Variants in ABCA13 observed in about 807,000 individuals in gnomAD.
ABCA13 encodes the protein ATP-binding cassette sub-family A member 13.
ABCA13 carries 476 observed loss-of-function variants against 478.7 expected under a neutral mutation model. The ratio of observed to expected loss-of-function variants is 0.99; its 90% CI spans 0.92 to 1.07. ABCA13 has a LOEUF of 1.07. ABCA13 is among the 50% of genes least tolerant of loss of function. The pLI, the probability that ABCA13 is intolerant of heterozygous loss-of-function variation, is 0.00. For synonymous variants in ABCA13, 2,252 were observed against 2,158.9 expected, an observed-to-expected ratio of 1.04 and a Z score of -1.20; for missense variants, 6,060 against 5,910.6, an observed-to-expected ratio of 1.03 and a Z score of -0.83.
intron 15 of ABCA13, among the ~76,000 whole-genome samples, chr7:48,267,083 T>C (rs1312049380): frequency 6.6e-6 from 1 of 152,066 alleles, no homozygotes; most frequent in Non-Finnish European, 1.5e-5. Context: ...TGGGACTTGC[T>C]TTATGGTCTG....
At chr7:48,550,503 C>A (rs145850091) in intron 55 of ABCA13, among the ~76,000 whole-genome samples, 2 of 116,462 alleles carry the variant, frequency 1.7e-5, no homozygotes, top group East Asian at 2.8e-4. Flanking sequence ...AGTGATCCGC[C>A]CCCCCTCAGC....
At chr7:48,249,469 C>T in intron 15 of ABCA13, 118 bp downstream of exon 15, 1 of 1,325,510 alleles carries the variant, frequency 7.5e-7, no homozygotes, top group East Asian at 2.4e-5. Flanking sequence ...GGTGGCTCTC[C>T]AAGCACAATT....
At chr7:48,585,842 A>C (rs976158373) in intron 56 of ABCA13, among the ~76,000 whole-genome samples, 2 of 152,190 alleles carry the variant, frequency 1.3e-5, no homozygotes, top group Non-Finnish European at 2.9e-5. Context: ...GTTAAATAAA[A>C]TTGTTTGGAA....
chr7:48,546,106 GGT>G (rs1491511523), intron 55 of ABCA13, among the ~76,000 whole-genome samples: 1 of 151,758 alleles, frequency 6.6e-6, no homozygotes, highest in Non-Finnish European at 1.5e-5. Flanking sequence ...AAAGAAACAA[GGT>G]GGCAGGTCAC....
chr7:48,392,060 G>A lies in ABCA13; in HGVS notation c.11794G>A (p.Val3932Ile), dbSNP rs201412160. The A allele has an allele frequency of 1.8e-4, 297 of 1,613,958 alleles. No homozygotes were observed. The highest frequency in any genetic ancestry group is 2.3e-4 in the Non-Finnish European group (271 of 1,179,864). Residue 3932 changes from valine to isoleucine, a missense_variant, in exon 38 of 62, where the codon GTC (valine) becomes ATC (isoleucine). This residue lies in a region of ABCA13 where 1,627 missense variants were observed against 1,571.0 expected (regional missense o/e 1.04). Transcript: ENST00000435803. ...GGACATCCTGTTGGACAACCTCACC[G>A]TCCGGGAACATTTGCTGCTCTTTGC... is the stretch of plus-strand genomic sequence containing the variant. ...QQDILLDNLT[V>I]REHLLLFASI...
chr7:48,209,155 C>T (rs1785302002), intron 3 of ABCA13, among the ~76,000 whole-genome samples: 1 of 151,620 alleles, frequency 6.6e-6, no homozygotes, highest in Non-Finnish European at 1.5e-5. Flanking sequence ...TGGATGAATC[C>T]CACTTGGTCA....
chr7:48,429,975 A>G (rs1305988982), intron 42 of ABCA13, among the ~76,000 whole-genome samples: 2 of 152,154 alleles, frequency 1.3e-5, no homozygotes, highest in African/African-American at 4.8e-5. Context: ...GTATCTTTAT[A>G]GCAGGTATTG....
chr7:48,401,492 C>T (rs1817593766), intron 38 of ABCA13, among the ~76,000 whole-genome samples: 1 of 152,148 alleles, frequency 6.6e-6, no homozygotes, highest in Admixed American at 6.5e-5. Flanking sequence ...TAACATTTAT[C>T]TCATTGTGTC....
intron 42 of ABCA13, among the ~76,000 whole-genome samples, chr7:48,432,148 A>T (rs1248984784): frequency 6.6e-6 from 1 of 152,218 alleles, no homozygotes; most frequent in Non-Finnish European, 1.5e-5. Flanking sequence ...CAGTTAAAAA[A>T]TGATCAAATG....
chr7:48,283,147 A>G (rs934144350), intron 19 of ABCA13, among the ~76,000 whole-genome samples: 5 of 152,180 alleles, frequency 3.3e-5, no homozygotes, highest in Non-Finnish European at 5.9e-5. Flanking sequence ...AGGAAGGGGC[A>G]CAGTGGACGT....
At chr7:48,453,884 T>C (rs879514194) in intron 42 of ABCA13, among the ~76,000 whole-genome samples, 3 of 152,172 alleles carry the variant, frequency 2.0e-5, no homozygotes, top group Admixed American at 1.3e-4. Context: ...TCAGTAAATA[T>C]CCCAAATGAA....
chr7:48,403,584 A>G, intron 38 of ABCA13, 99 bp from the exon 39 acceptor site: 1 of 1,223,418 alleles, frequency 8.2e-7, no homozygotes, highest in Non-Finnish European at 1.2e-6. Flanking sequence ...TGTGGTTTAT[A>G]ACGATTTCAG....
chr7:48,474,947 AG>A (rs1827920117), intron 45 of ABCA13, among the ~76,000 whole-genome samples: 1 of 152,228 alleles, frequency 6.6e-6, no homozygotes, highest in African/African-American at 2.4e-5. Context: ...GTAAGAAAAA[AG>A]GTTTTATCTG....
chr7:48,639,482 A>G (rs1794942445), intron 59 of ABCA13, among the ~76,000 whole-genome samples: 1 of 152,214 alleles, frequency 6.6e-6, no homozygotes, highest in African/African-American at 2.4e-5. Context: ...TCAGTGCTGT[A>G]ACACTTGTGC....
intron 43 of ABCA13, among the ~76,000 whole-genome samples, chr7:48,456,695 A>C (rs1323412134): frequency 2.6e-5 from 4 of 152,184 alleles, no homozygotes; most frequent in African/African-American, 9.7e-5. Context: ...CACTTTACTC[A>C]TGAAAACTAC....
In ABCA13 at chr7:48,586,765, CTTTAAGT is replaced by C. The variant is rs1480981180; in HGVS notation, c.14506-385_14506-379del. On this transcript the variant is annotated intron_variant, in intron 56 of 61. Coordinates refer to ENST00000435803, the MANE Select transcript of ABCA13 (RefSeq NM_152701.5). The stretch of plus-strand genomic sequence containing the variant: ...ATTTTCTGCTTCGGTTGTCTTCTCC[CTTTAAGT>C]TTTGACACCGCTATTAGTTTCATTC... 5.9e-5 allele frequency among the ~76,000 whole-genome samples: 9 copies of C among 152,274 alleles called. No individual in the cohort carries two copies. In the East Asian group the frequency reaches 1.7e-3, roughly 29 times the overall value.
At chr7:48,505,542 C>G (rs1831127950) in intron 48 of ABCA13, among the ~76,000 whole-genome samples, 1 of 152,114 alleles carries the variant, frequency 6.6e-6, no homozygotes, top group Non-Finnish European at 1.5e-5. Flanking sequence ...TGAAATGGAG[C>G]AAGGATTTGT....
At chr7:48,615,425 A>G in intron 59 of ABCA13, 48 bp downstream of exon 59, 4 of 1,490,700 alleles carry the variant, frequency 2.7e-6, no homozygotes, top group Non-Finnish European at 3.7e-6. Context: ...TGAAATCAAT[A>G]GCATGATGCA....
At chr7:48,557,332 C>T (rs1785944016) in intron 55 of ABCA13, among the ~76,000 whole-genome samples, 2 of 152,058 alleles carry the variant, frequency 1.3e-5, no homozygotes, top group Admixed American at 1.3e-4. Flanking sequence ...CATGAACAAC[C>T]TTTTCTTTCA....
Sources: allele counts gnomAD v4.1 joint callset (sites outside exome capture counted in the v4.1 genomes callset), GRCh38; gene constraint gnomAD v4.1.1; regional missense constraint gnomAD v4.1.1; transcripts MANE v1.5; gene names NCBI Gene and HGNC (gene_info 2026-07-23, HGNC 2026-07-21).